Variants in MAPK8IP3 observed in about 807,000 individuals in gnomAD.
MAPK8IP3 encodes the protein C-Jun-amino-terminal kinase-interacting protein 3.
In MAPK8IP3, 49 loss-of-function variants were observed where a neutral mutation model predicts 157.8. The observed-to-expected ratio is 0.31, with a 90% CI of 0.25 to 0.39. The LOEUF is 0.39. Among genes scored for constraint, MAPK8IP3 ranks in the 10% least tolerant of loss-of-function variants. The probability of loss-of-function intolerance (pLI) is 1.00; values close to 1 mark genes in which losing one functional copy is unlikely to be tolerated. For missense variants in MAPK8IP3, 1,478 were observed against 1,889.4 expected (o/e 0.78, Z 4.04); for synonymous variants, 897 against 777.7 (o/e 1.15, Z -2.55).
chr16:1,743,477 G>T lies in MAPK8IP3; in HGVS notation c.747+1G>T. On this transcript the variant is annotated splice_donor_variant, in intron 5 of 31. Transcript: ENST00000610761. LOFTEE classifies it high-confidence loss of function. This position sits in a 1 kb window ranked among gnomAD's most constrained non-coding sequence, Gnocchi z 5.6. ...GCTGCAGTCCAGCTCCAGCTACCAGGTTTTGTAGCCGTGCCGTGGAGTGAG... is the reference window on the plus strand; with the variant it reads ...GCTGCAGTCCAGCTCCAGCTACCAGTTTTTGTAGCCGTGCCGTGGAGTGAG... 6.2e-7 allele frequency: 1 copy of T among 1,609,088 alleles called. No homozygotes were observed.
intron 8 of MAPK8IP3, chr16:1,749,043 T>C: frequency 4.9e-6 from 2 of 410,012 alleles, no homozygotes; most frequent in Non-Finnish European, 9.4e-6. Context: ...GCTGTTATGC[T>C]GTGTCGTTTA....
At chr16:1,754,547 G>A (rs1368612639) in intron 8 of MAPK8IP3, among the ~76,000 whole-genome samples, 1 of 152,148 alleles carries the variant, frequency 6.6e-6, no homozygotes, top group African/African-American at 2.4e-5. Flanking sequence ...GCCAGGGTGG[G>A]CGGATCACAA....
chr16:1,761,595 A>G (rs1307988814), intron 13 of MAPK8IP3, among the ~76,000 whole-genome samples: 19 of 133,058 alleles, frequency 1.4e-4, no homozygotes, highest in African/African-American at 5.5e-4. Context: ...ATTCACAGGC[A>G]GAGCGGCCAC....
At position 1,766,644 on chromosome 16, in the gene MAPK8IP3, G is replaced by A. The variant is rs752848312; in HGVS notation, c.2935G>A (p.Gly979Ser). The A allele has an allele frequency of 3.0e-5, 49 of 1,612,234 alleles. No individual in the cohort carries two copies. Among genetic ancestry groups the A allele is most frequent in the Non-Finnish European group, 3.4e-5 (40 of 1,179,806 alleles). ...APTMWLGAQNGWLYVHSAVAN... is the reference protein window; with the variant it reads ...APTMWLGAQNSWLYVHSAVAN... ...CACCATGTGGCTGGGAGCCCAGAAC[G>A]GCTGGTAGGAAGGGCCCGGGGCAAG... is the stretch of plus-strand genomic sequence containing the variant. The change falls in exon 23 of 32, where the codon GGC (glycine) becomes AGC (serine). Residue 979 changes from glycine to serine, a missense_variant. Coordinates refer to ENST00000610761, the MANE Select transcript of MAPK8IP3 (RefSeq NM_001318852.2).
At chr16:1,739,186 CCG>C (rs1352362776) in intron 4 of MAPK8IP3, among the ~76,000 whole-genome samples, 10 of 112,164 alleles carry the variant, frequency 8.9e-5, no homozygotes, top group Admixed American at 1.1e-4. Flanking sequence ...ATGTGAGCAT[CCG>C]TGTGACCGTC....
At position 1,767,142 on chromosome 16, in the gene MAPK8IP3, C is replaced by T. The variant is rs771053174; in HGVS notation, c.3089-7C>T. The T allele has an allele frequency of 1.2e-6, 2 of 1,612,898 alleles. No individual in the cohort carries two copies. The highest frequency in any genetic ancestry group is 1.7e-6 in the Non-Finnish European group (2 of 1,179,902). On this transcript the variant is annotated splice_polypyrimidine_tract_variant and splice_region_variant and intron_variant, in intron 25 of 31. Coordinates refer to ENST00000610761, the MANE Select transcript of MAPK8IP3 (RefSeq NM_001318852.2). ...AGGCCTGAGCAGGTGTCCGGGGCTC[C>T]CTCCAGATGGCCAGTGGGATCTGAG...
intron 4 of MAPK8IP3, among the ~76,000 whole-genome samples, chr16:1,735,858 TCC>T (rs1296867865): frequency 7.5e-6 from 1 of 133,796 alleles, no homozygotes. Context: ...CGTGTGAGCA[TCC>T]ATATGACCGT....
chr16:1,740,082 G>C (rs1269273187), intron 4 of MAPK8IP3, among the ~76,000 whole-genome samples: 1 of 123,608 alleles, frequency 8.1e-6, no homozygotes. Context: ...GTGAGCATCC[G>C]TGTGACCGTC....
chr16:1,721,521 C>T (rs2038521463), intron 1 of MAPK8IP3, among the ~76,000 whole-genome samples: 1 of 152,092 alleles, frequency 6.6e-6, no homozygotes, highest in East Asian at 1.9e-4. Flanking sequence ...CAGCCCCGAC[C>T]TCCTGGGGTC....
intron 16 of MAPK8IP3, 96 bp from the exon 17 acceptor site, chr16:1,763,561 G>C: frequency 2.0e-5 from 27 of 1,364,106 alleles, no homozygotes; most frequent in Non-Finnish European, 2.6e-5. Context: ...GGGCCCAGGC[G>C]GGCCTCCCTG....
At chr16:1,748,515 T>C (rs1339843908) in intron 7 of MAPK8IP3, 87 bp from the exon 8 acceptor site, 2 of 1,216,828 alleles carry the variant, frequency 1.6e-6, no homozygotes, top group Admixed American at 1.8e-5. Flanking sequence ...ATGGCCACGG[T>C]GGGAGGTGTT....
chr16:1,741,439 G>A lies in MAPK8IP3; in HGVS notation c.603-1893G>A, dbSNP rs1417375415. Among the ~76,000 whole-genome samples, 2 of 152,134 alleles carry A rather than the reference G, an allele frequency of 1.3e-5. No individual in the cohort carries two copies. The highest frequency in any genetic ancestry group is 2.9e-5 in the Non-Finnish European group (2 of 68,016). On this transcript the variant is annotated intron_variant, in intron 4 of 31. Transcript: ENST00000610761. The surrounding 1 kb of genome is among the most constrained non-coding windows in gnomAD (Gnocchi z 6.9). ...AGCATGGAGCTGTGTGGGTGGGAGAGCCGTACATGCATTCCCTTGGCCTCC... is the reference window on the plus strand; with the variant it reads ...AGCATGGAGCTGTGTGGGTGGGAGAACCGTACATGCATTCCCTTGGCCTCC...
intron 1 of MAPK8IP3, among the ~76,000 whole-genome samples, chr16:1,708,229 A>T (rs1282905893): frequency 6.6e-6 from 1 of 152,240 alleles, no homozygotes; most frequent in Non-Finnish European, 1.5e-5. Flanking sequence ...GCCAGGATGC[A>T]GAGTGAACCC....
At chr16:1,762,162 A>G (rs1436112534) in intron 13 of MAPK8IP3, among the ~76,000 whole-genome samples, 189 bp from the exon 14 acceptor site, 1 of 152,188 alleles carries the variant, frequency 6.6e-6, no homozygotes, top group African/African-American at 2.4e-5. Flanking sequence ...GTCAGCACCC[A>G]AGTCCTGGTG....
At chr16:1,768,146 T>C in intron 29 of MAPK8IP3, 39 bp downstream of exon 29, 1 of 1,612,138 alleles carries the variant, frequency 6.2e-7, no homozygotes, top group African/African-American at 1.3e-5. Flanking sequence ...CGGGAGCCTC[T>C]CCCACTCTCC....
rs1375767251 is a variant in MAPK8IP3 at position 1,760,025 on chromosome 16, C to T, written c.1304+10C>T. 7 of 1,613,906 alleles carry T rather than the reference C, an allele frequency of 4.3e-6. No homozygotes were observed. Among genetic ancestry groups the T allele is most frequent in the Non-Finnish European group, 5.9e-6 (7 of 1,179,918 alleles). Reference sequence around the variant, plus strand: ...AGCTTCTGGAAACCAAGTAAGAGTGCCCTTCTCCTGTGTGGTGGGGCTGAG... The same window carrying T: ...AGCTTCTGGAAACCAAGTAAGAGTGTCCTTCTCCTGTGTGGTGGGGCTGAG... On this transcript the variant is annotated intron_variant, in intron 11 of 31. Coordinates refer to ENST00000610761, the MANE Select transcript of MAPK8IP3 (RefSeq NM_001318852.2).
Position 1,724,763 on chromosome 16 carries a change from C to T in MAPK8IP3, c.439+86C>T. 6.5e-7 allele frequency: 1 copy of T among 1,543,624 alleles called. No homozygotes were observed. The highest frequency in any genetic ancestry group is 8.8e-7 in the Non-Finnish European group (1 of 1,140,596). Reference sequence around the variant, plus strand: ...GTTGGGGTGGGCATGGAGCGCCTTCCACACAAGGGGACGAGAGGAAGCCCA... The same window carrying T: ...GTTGGGGTGGGCATGGAGCGCCTTCTACACAAGGGGACGAGAGGAAGCCCA... On this transcript the variant is annotated intron_variant, in intron 2 of 31. Coordinates refer to ENST00000610761, the MANE Select transcript of MAPK8IP3 (RefSeq NM_001318852.2). This position sits in a 1 kb window ranked among gnomAD's most constrained non-coding sequence, Gnocchi z 4.1.
chr16:1,724,141 G>C lies in MAPK8IP3; in HGVS notation c.319-416G>C, dbSNP rs1485377409. Among the ~76,000 whole-genome samples the C allele has an allele frequency of 1.3e-5, 2 of 152,212 alleles. No individual in the cohort carries two copies. The highest frequency in any genetic ancestry group is 1.5e-5 in the Non-Finnish European group (1 of 68,034). On this transcript the variant is annotated intron_variant, in intron 1 of 31. Transcript: ENST00000610761. The surrounding 1 kb of genome is among the most constrained non-coding windows in gnomAD (Gnocchi z 4.1). ...ATCCCAGTGTAAAAATGGAAACACA[G>C]GGCTCTATGTTCAAAAATTAGCAAC... is the stretch of plus-strand genomic sequence containing the variant.
chr16:1,758,980 C>T lies in MAPK8IP3; in HGVS notation c.1231C>T (p.Arg411Cys), dbSNP rs772011661. 7 of 1,614,030 alleles carry T rather than the reference C, an allele frequency of 4.3e-6. No homozygotes were observed. Among genetic ancestry groups the T allele is most frequent in the South Asian group, 2.2e-5 (2 of 91,092 alleles). ...GTGGGACGGGGACGGCTCCCTAGTG[C>T]GCGATGATTTCTTTGGTAAGGCTGA... ...GADLLGEFSV[R>C]DDFFGMGKEV... Residue 411 changes from arginine (R) to cysteine (C), a missense_variant and splice_region_variant, in exon 10 of 32, where the codon CGC becomes TGC. Around this residue, in one of 11 missense-constraint regions of MAPK8IP3, gnomAD observed 315 missense variants for 394.4 expected, o/e 0.80. Coordinates refer to ENST00000610761, the MANE Select transcript of MAPK8IP3 (RefSeq NM_001318852.2).
Sources: gnomAD v4.1 joint callset for allele counts (sites outside exome capture counted in the v4.1 genomes callset) on GRCh38, gnomAD v4.1.1 for gene constraint, gnomAD v4.1.1 regional missense constraint, Gnocchi (gnomAD v3.1) non-coding constraint, MANE v1.5 for transcripts, NCBI Gene and HGNC (gene_info 2026-07-23, HGNC 2026-07-21) for gene names.